The following TTC6 variants were observed in gnomAD, a reference collection of about 807,000 sequenced individuals.
The protein encoded by TTC6 is tetratricopeptide repeat domain 6, also known as tetratricopeptide repeat protein 6.
TTC6 carries 172 observed loss-of-function variants against 210.4 expected under a neutral mutation model. The observed-to-expected ratio is 0.82, with a 90% CI of 0.72 to 0.93. TTC6 has a LOEUF of 0.93. Ranked by LOEUF, TTC6 falls within the 40% of genes least tolerant of loss-of-function variation. The pLI, the probability that TTC6 is intolerant of heterozygous loss-of-function variation, is 0.00. For missense variants in TTC6, 2,414 were observed against 2,318.1 expected (o/e 1.04, Z -0.85); for synonymous variants, 804 against 819.6 (o/e 0.98, Z 0.32).
intron 27 of TTC6, 106 bp from the exon 30 acceptor site, chr14:37,826,089 C>A: frequency 8.6e-7 from 1 of 1,157,452 alleles, no homozygotes; most frequent in Non-Finnish European, 1.2e-6. Flanking sequence ...TTTAGCATGG[C>A]ATAAATATAC....
chr14:37,749,054 G>A (rs774803552), exon 11 of TTC6: 26 of 1,535,456 alleles, frequency 1.7e-5, no homozygotes, highest in South Asian at 1.3e-4. Context: ...TGAAAAATTC[G>A]TCCAAGCTAA....
intron 5 of TTC6, among the ~76,000 whole-genome samples, chr14:37,709,735 C>G (rs8010816): frequency 0.64 from 95,377 of 149,272 alleles, 30,625 homozygotes; most frequent in East Asian, 0.85. Flanking sequence ...TATACACTTA[C>G]TCTTCTATAG....
chr14:37,622,363 C>T (rs866527719), exon 1 of TTC6: 24 of 1,530,964 alleles, frequency 1.6e-5, no homozygotes, highest in Non-Finnish European at 1.8e-5. Flanking sequence ...GCGCCGCGTC[C>T]CTCGGGCCTG....
intron 1 of TTC6, among the ~76,000 whole-genome samples, chr14:37,601,200 T>C (rs1307062880): frequency 1.3e-5 from 2 of 152,224 alleles, no homozygotes; most frequent in African/African-American, 4.8e-5. Flanking sequence ...CACAAACAAC[T>C]GAGCCCTGCC....
At chr14:37,817,905 C>T (rs970010757) in intron 26 of TTC6, among the ~76,000 whole-genome samples, 31 of 152,118 alleles carry the variant, frequency 2.0e-4, no homozygotes, top group African/African-American at 7.2e-4. Context: ...TCCATCATGG[C>T]ATTGGGCAGA....
At chr14:37,609,413 CTCAA>C (rs546177686) in intron 2 of TTC6, among the ~76,000 whole-genome samples, 14 of 152,106 alleles carry the variant, frequency 9.2e-5, no homozygotes, top group Admixed American at 5.2e-4. Flanking sequence ...GAGACCCTGT[CTCAA>C]TCAATCAATC....
At chr14:37,625,756 A>G (rs897561219) in intron 1 of TTC6, among the ~76,000 whole-genome samples, 2 of 152,204 alleles carry the variant, frequency 1.3e-5, no homozygotes, top group African/African-American at 4.8e-5. Context: ...CCTAGAGGGA[A>G]GCTGAGAGGT....
chr14:37,749,466 T>C lies in TTC6; in HGVS notation c.2826+65T>C. On this transcript the variant is annotated intron_variant, in intron 11 of 30. Coordinates refer to ENST00000553443, the Ensembl canonical transcript of TTC6. The stretch of plus-strand genomic sequence containing the variant: ...ACACTTGCTTTTAATTGTATAGTAA[T>C]TTTTGCTGAAATTTTGAACAATGAA... 12 of 1,358,386 alleles carry C rather than the reference T, an allele frequency of 8.8e-6. 1 individual carries two copies. In the South Asian group the frequency reaches 2.3e-4, roughly 26 times the overall value. The allele number at this position is 1,358,386 out of a possible 1,614,324, so 84.1% of individuals were successfully genotyped here.
intron 21 of TTC6, among the ~76,000 whole-genome samples, chr14:37,805,723 A>G (rs1183645188): frequency 3.3e-5 from 5 of 152,068 alleles, no homozygotes; most frequent in Non-Finnish European, 7.4e-5. Context: ...GTTTTTTGAG[A>G]TGGAGTTTCG....
intron 29 of TTC6, chr14:37,837,309 T>TA (rs1236237634): frequency 2.4e-6 from 1 of 424,414 alleles, no homozygotes; most frequent in South Asian, 1.7e-5. Flanking sequence ...AAATGAAGTC[T>TA]AAATTACTTT....
intron 3 of TTC6, among the ~76,000 whole-genome samples, chr14:37,693,669 A>G (rs1242465698): frequency 6.6e-6 from 1 of 152,074 alleles, no homozygotes; most frequent in African/African-American, 2.4e-5. Context: ...AATCTGGAGG[A>G]AAATCACATT....
intron 1 of TTC6, among the ~76,000 whole-genome samples, chr14:37,649,566 C>G (rs779455935): frequency 2.6e-5 from 4 of 152,202 alleles, no homozygotes; most frequent in Non-Finnish European, 5.9e-5. Context: ...TGTATTCCAC[C>G]TGGTTCCCAG....
At chr14:37,833,799 A>G (rs558649266) in intron 29 of TTC6, among the ~76,000 whole-genome samples, 1 of 151,740 alleles carries the variant, frequency 6.6e-6, no homozygotes, top group African/African-American at 2.4e-5. Context: ...ATTTTAGTGT[A>G]TTTTTTATGA....
intron 3 of TTC6, among the ~76,000 whole-genome samples, chr14:37,689,015 A>AT (rs2095798836): frequency 1.3e-5 from 2 of 152,190 alleles, no homozygotes; most frequent in Non-Finnish European, 2.9e-5. Flanking sequence ...TATTCAAAAT[A>AT]TATAGAGACA....
intron 6 of TTC6, among the ~76,000 whole-genome samples, chr14:37,721,361 C>T (rs2095861502): frequency 6.6e-6 from 1 of 152,084 alleles, no homozygotes; most frequent in Non-Finnish European, 1.5e-5. Flanking sequence ...CAGTATAATA[C>T]ACAATATCAA....
At chr14:37,824,860 G>A (rs1220538811) in intron 27 of TTC6, among the ~76,000 whole-genome samples, 1 of 152,148 alleles carries the variant, frequency 6.6e-6, no homozygotes, top group Non-Finnish European at 1.5e-5. Context: ...GAGGGCCCAA[G>A]TGAATGGAAT....
At position 37,697,086 on chromosome 14, in the gene TTC6, CTG is replaced by C. The variant is rs980635204; in HGVS notation, c.1376+253_1376+254del. 8.5e-5 allele frequency among the ~76,000 whole-genome samples: 13 copies of C among 152,094 alleles called. No individual in the cohort carries two copies. The East Asian group carries it at 9.7e-4, about 11-fold the overall frequency. On this transcript the variant is annotated intron_variant, in intron 4 of 30. Coordinates refer to ENST00000553443, the Ensembl canonical transcript of TTC6. ...ATGTAACAATAGCTGGAAAAAATAA[CTG>C]TTTGTGAGACTGAAGAAAATTAAAT...
chr14:37,707,577 G>A (rs1343767191), intron 5 of TTC6, among the ~76,000 whole-genome samples: 2 of 151,946 alleles, frequency 1.3e-5, no homozygotes, highest in Admixed American at 1.3e-4. Context: ...AGTCTCTTAA[G>A]ACAATCGCTT....
intron 1 of TTC6, among the ~76,000 whole-genome samples, chr14:37,662,346 G>C (rs1304144465): frequency 6.6e-6 from 1 of 152,122 alleles, no homozygotes; most frequent in African/African-American, 2.4e-5. Flanking sequence ...TGTTTATTGA[G>C]AGTTTTAAAC....
Sources: gnomAD v4.1 joint callset for allele counts (sites outside exome capture counted in the v4.1 genomes callset) on GRCh38, gnomAD v4.1.1 for gene constraint, MANE v1.5 for transcripts, NCBI Gene and HGNC (gene_info 2026-07-23, HGNC 2026-07-21) for gene names.